The following FREM1 variants were observed in gnomAD, a reference collection of about 807,000 sequenced individuals.
The protein encoded by FREM1 is FRAS1 related extracellular matrix 1.
In FREM1, 220 loss-of-function variants were observed where a neutral mutation model predicts 210.1. That is an observed-to-expected ratio of 1.05 (90% CI 0.94 to 1.17). The LOEUF is 1.17. Among genes scored for constraint, FREM1 ranks in the 50% most tolerant of loss-of-function variants. The pLI, the probability that FREM1 is intolerant of heterozygous loss-of-function variation, is 0.00. For synonymous variants in FREM1, 1,189 were observed against 980.2 expected (o/e 1.21, Z -3.98); for missense variants, 3,454 against 2,675.5 (o/e 1.29, Z -6.42).
chr9:14,877,708 C>A (rs1422661932), intron 1 of FREM1, among the ~76,000 whole-genome samples: 1 of 152,204 alleles, frequency 6.6e-6, no homozygotes, highest in East Asian at 1.9e-4. Flanking sequence ...CCTGCCAACA[C>A]CCTGAATGAG....
chr9:14,830,068 G>A (rs1320895123), intron 10 of FREM1, among the ~76,000 whole-genome samples: 1 of 152,156 alleles, frequency 6.6e-6, no homozygotes, highest in South Asian at 2.1e-4. Context: ...AGAAGAAAGT[G>A]GGTGGGCAAA....
Position 14,861,056 on chromosome 9 carries a change from T to TATATACAC in FREM1, c.330-1580_330-1573dup, listed in dbSNP as rs1293670914. Among the ~76,000 whole-genome samples, 416 of 71,402 alleles carry TATATACAC rather than the reference T, an allele frequency of 5.8e-3. 52 individuals are homozygous for TATATACAC. The highest frequency in any genetic ancestry group is 7.7e-3 in the Non-Finnish European group (329 of 42,630). 46.8% of individuals were successfully genotyped at this position (71,402 alleles called of 152,430 possible). A position where few individuals can be genotyped will look rare whatever the true frequency, so the allele number is the denominator to read the frequency against. ...ATATATACATATATACATATATACA[T>TATATACAC]ATATACACATATACATATATACATA... is the stretch of plus-strand genomic sequence containing the variant. On this transcript the variant is annotated intron_variant, in intron 3 of 36. Transcript: ENST00000380880.
intron 1 of FREM1, among the ~76,000 whole-genome samples, chr9:14,875,524 A>G (rs1222483702): frequency 2.0e-5 from 3 of 152,180 alleles, no homozygotes. Flanking sequence ...TTTCAGCTCC[A>G]TCAGTGCCTT....
intron 1 of FREM1, among the ~76,000 whole-genome samples, chr9:14,872,699 C>T (rs1588509767): frequency 6.7e-6 from 1 of 150,062 alleles, no homozygotes; most frequent in Admixed American, 6.7e-5. Context: ...GAACTTCCAA[C>T]ACTATGTTGA....
chr9:14,860,526 T>C (rs538511140), intron 3 of FREM1, among the ~76,000 whole-genome samples: 6 of 148,146 alleles, frequency 4.1e-5, no homozygotes, highest in African/African-American at 1.3e-4. Flanking sequence ...GGGTACGTAG[T>C]AGGTATGTAT....
intron 1 of FREM1, among the ~76,000 whole-genome samples, chr9:14,881,162 A>T (rs554941053): frequency 6.6e-6 from 1 of 152,208 alleles, no homozygotes; most frequent in Non-Finnish European, 1.5e-5. Context: ...CACTCAGCCA[A>T]CAGCTGAAAC....
chr9:14,797,658 A>T lies in FREM1; in HGVS notation c.3695-16T>A, dbSNP rs755968466. 137 of 1,600,516 alleles carry T rather than the reference A, an allele frequency of 8.6e-5. No homozygotes were observed. Among genetic ancestry groups the T allele is most frequent in the Non-Finnish European group, 1.1e-4 (125 of 1,172,222 alleles). ...AACCTCATTCCTGGAAGAAGGAAAA[A>T]AAATAAGTAAATCTTCCTTATGATT... On this transcript the variant is annotated splice_polypyrimidine_tract_variant and intron_variant, in intron 20 of 36. Coordinates refer to ENST00000380880, the MANE Select transcript of FREM1 (RefSeq NM_001379081.2).
intron 24 of FREM1, among the ~76,000 whole-genome samples, chr9:14,783,292 G>GAGGAC (rs1343480288): frequency 1.3e-5 from 2 of 152,166 alleles, no homozygotes; most frequent in Admixed American, 6.5e-5. Flanking sequence ...AAGTAAGATA[G>GAGGAC]AGGACAGTGA....
rs746516436 is a variant in FREM1 at position 14,737,515 on chromosome 9, G to T, written c.6421C>A (p.Pro2141Thr). The T allele has an allele frequency of 1.2e-6, 2 of 1,612,442 alleles. No individual in the cohort carries two copies. Among genetic ancestry groups the T allele is most frequent in the Admixed American group, 1.7e-5 (1 of 59,862 alleles). The change falls in exon 37 of 37, where the codon CCC becomes ACC. Residue 2141 changes from proline (P) to threonine (T), a missense_variant. Coordinates refer to ENST00000380880, the MANE Select transcript of FREM1 (RefSeq NM_001379081.2). ...TTTCCAAGCTTGGAGCGTTGAGAGG[G>T]CCCTCTTCTCCCATTGGTGAAGGCA... ...PVAFTNGRRG[P>T]SQRSKLGKSC... is the part of the protein sequence containing the mutation.
At chr9:14,901,901 A>G (rs6474870) in intron 1 of FREM1, among the ~76,000 whole-genome samples, 120,243 of 152,076 alleles carry the variant, frequency 0.79, 48,006 homozygotes, top group Middle Eastern at 0.85. Flanking sequence ...GCCCAGGCTG[A>G]AATGTAGTGG....
rs1554707763 is a variant in FREM1, at chr9:14,860,884, CACATATAT to C, written c.330-1408_330-1401del. On this transcript the variant is annotated intron_variant, in intron 3 of 36. Transcript: ENST00000380880. ...ATACACATATATATACGTATATATA[CACATATAT>C]ACATATATACACATATACACATATA... Among the ~76,000 whole-genome samples the C allele has an allele frequency of 8.7e-5, 5 of 57,272 alleles. 2 individuals carry two copies. The highest frequency in any genetic ancestry group is 1.5e-4 in the Non-Finnish European group (5 of 32,438). The allele number at this position is 57,272 out of a possible 152,430, so 37.6% of individuals were successfully genotyped here.
At chr9:14,746,838 T>C in intron 34 of FREM1, 85 bp downstream of exon 34, 1 of 1,445,176 alleles carries the variant, frequency 6.9e-7, no homozygotes, top group Non-Finnish European at 9.3e-7. Flanking sequence ...ATGGGTTGAG[T>C]CATGCACCAG....
At chr9:14,748,929 G>A (rs1194222634) in intron 30 of FREM1, among the ~76,000 whole-genome samples, 1 of 152,106 alleles carries the variant, frequency 6.6e-6, no homozygotes, top group Non-Finnish European at 1.5e-5. Context: ...CATATACTGG[G>A]GGGAAAGTCT....
rs1333774636 is a variant in FREM1, at chr9:14,848,653, A to G, written c.1261+12T>C. ...AGGGCTATGTTGCTCTATGCCTTAT[A>G]TTGAGCTTTACCTGTATTCCAGGAT... On this transcript the variant is annotated intron_variant, in intron 7 of 36. Transcript: ENST00000380880. The G allele has an allele frequency of 1.3e-6, 2 of 1,509,970 alleles. No homozygotes were observed. The highest frequency in any genetic ancestry group is 2.7e-5 in the African/African-American group (2 of 72,852). The allele number at this position is 1,509,970 out of a possible 1,614,324, so 93.5% of individuals were successfully genotyped here. A position where few individuals can be genotyped will look rare whatever the true frequency, so the allele number is the denominator to read the frequency against.
intron 3 of FREM1, among the ~76,000 whole-genome samples, chr9:14,862,785 T>C (rs1830811551): frequency 6.6e-6 from 1 of 152,190 alleles, no homozygotes; most frequent in African/African-American, 2.4e-5. Context: ...GTTTTCAAGG[T>C]TCATTCATGC....
intron 2 of FREM1, among the ~76,000 whole-genome samples, chr9:14,866,527 C>G (rs546878335): frequency 6.6e-6 from 1 of 152,158 alleles, no homozygotes; most frequent in Non-Finnish European, 1.5e-5. Context: ...TAAGGAGAAT[C>G]TGGTCATCTG....
rs12683064 is a variant in FREM1 at position 14,806,904 on chromosome 9, G to A, written c.3089-58C>T. On this transcript the variant is annotated intron_variant, in intron 17 of 36. Coordinates refer to ENST00000380880, the MANE Select transcript of FREM1 (RefSeq NM_001379081.2). ...GCATGAAATCCTCTAAACAGACTGG[G>A]TAGGACAAAATGCAGTGACTGAAAT... 0.12 allele frequency: 131,020 copies of A among 1,108,862 alleles called. 11,602 individuals are homozygous for A. The highest frequency in any genetic ancestry group is 0.5 in the East Asian group (19,172 of 38,366). The allele number at this position is 1,108,862 out of a possible 1,614,324, so 68.7% of individuals were successfully genotyped here.
chr9:14,871,377 G>A lies in FREM1; in HGVS notation c.-267-2133C>T, dbSNP rs577094581. ...TGGTGTGAGATGGTATCTCATTGTG[G>A]TTTTGATTTGCATTTCTCCGATGGC... On this transcript the variant is annotated intron_variant, in intron 1 of 36. Coordinates refer to ENST00000380880, the MANE Select transcript of FREM1 (RefSeq NM_001379081.2). Among the ~76,000 whole-genome samples the A allele has an allele frequency of 5.9e-5, 9 of 152,264 alleles. No individual in the cohort carries two copies. In the South Asian group the frequency reaches 1.9e-3, roughly 32 times the overall value.
At chr9:14,775,523 T>C (rs375468377) in intron 25 of FREM1, among the ~76,000 whole-genome samples, 1 of 151,882 alleles carries the variant, frequency 6.6e-6, no homozygotes, top group Non-Finnish European at 1.5e-5. Flanking sequence ...CTGACTGACA[T>C]GGTGAAACCG....
Sources: gnomAD v4.1 joint callset for allele counts (sites outside exome capture counted in the v4.1 genomes callset) on GRCh38, gnomAD v4.1.1 for gene constraint, MANE v1.5 for transcripts, NCBI Gene and HGNC (gene_info 2026-07-23, HGNC 2026-07-21) for gene names.